ADK: variants seen among roughly 807,000 people sequenced by gnomAD.
ADK encodes adenosine kinase.
A neutral mutation model predicts 44.7 loss-of-function variants in ADK; 24 were observed. The observed-to-expected ratio is 0.54, with a 90% CI of 0.39 to 0.76. The LOEUF is 0.76. Among genes scored for constraint, ADK ranks in the 30% least tolerant of loss-of-function variants. The pLI, the probability that ADK is intolerant of heterozygous loss-of-function variation, is 0.00. For missense variants in ADK, 321 were observed against 425.1 expected (o/e 0.76, Z 2.15); for synonymous variants, 128 against 142.6 (o/e 0.90, Z 0.73).
chr10:74,637,958 G>A (rs1392064618), intron 9 of ADK, among the ~76,000 whole-genome samples: 1 of 152,148 alleles, frequency 6.6e-6, no homozygotes, highest in Non-Finnish European at 1.5e-5. Flanking sequence ...TTTATTGTAT[G>A]TCAATCATGC....
At chr10:74,648,055 A>T (rs1003110295) in intron 9 of ADK, among the ~76,000 whole-genome samples, 1 of 152,134 alleles carries the variant, frequency 6.6e-6, no homozygotes, top group Non-Finnish European at 1.5e-5. Context: ...TCTACTTGGT[A>T]AGTTAGCTTC....
chr10:74,196,160 C>T (rs1843142465), intron 1 of ADK, among the ~76,000 whole-genome samples: 1 of 152,078 alleles, frequency 6.6e-6, no homozygotes, highest in African/African-American at 2.4e-5. Context: ...CTTCTGCAAC[C>T]AGTTTCATGT....
chr10:74,599,260 A>G (rs1471257952), intron 8 of ADK, among the ~76,000 whole-genome samples: 1 of 152,210 alleles, frequency 6.6e-6, no homozygotes, highest in African/African-American at 2.4e-5. Flanking sequence ...AGCTTCATAT[A>G]TTATCTGGAA....
At chr10:74,594,200 G>GGGGA (rs1851817411) in intron 8 of ADK, among the ~76,000 whole-genome samples, 1 of 151,192 alleles carries the variant, frequency 6.6e-6, no homozygotes, top group Non-Finnish European at 1.5e-5. Context: ...GTGGGGGGTT[G>GGGGA]GGGAGGGATA....
chr10:74,398,319 T>G, intron 5 of ADK, 152 bp from the exon 6 acceptor site: 1 of 396,464 alleles, frequency 2.5e-6, no homozygotes, highest in Non-Finnish European at 4.4e-6. Flanking sequence ...ACAAAATTAT[T>G]ATTTATATTT....
intron 1 of ADK, among the ~76,000 whole-genome samples, chr10:74,155,803 A>G (rs932400071): frequency 1.3e-5 from 2 of 152,172 alleles, no homozygotes; most frequent in Non-Finnish European, 2.9e-5. Flanking sequence ...AAAGTGCTGG[A>G]TTACAGGGGT....
intron 1 of ADK, among the ~76,000 whole-genome samples, chr10:74,162,521 T>TTGTG (rs10550667): frequency 0.039 from 5,472 of 141,900 alleles, 221 homozygotes; most frequent in African/African-American, 0.099. Context: ...TGCATTTCTT[T>TTGTG]TGTGTGTGTG....
At chr10:74,595,406 G>GT (rs1851874574) in intron 8 of ADK, among the ~76,000 whole-genome samples, 1 of 106,270 alleles carries the variant, frequency 9.4e-6, no homozygotes. Context: ...GAGGGGGTTT[G>GT]GCTTTGTCAC....
chr10:74,208,904 T>G (rs1211566690), intron 2 of ADK, among the ~76,000 whole-genome samples: 1 of 151,946 alleles, frequency 6.6e-6, no homozygotes, highest in Admixed American at 6.6e-5. Flanking sequence ...GCCCGGCTAA[T>G]TTTTGCAGTT....
intron 7 of ADK, among the ~76,000 whole-genome samples, chr10:74,544,886 T>TTTTC (rs903639006): frequency 2.6e-5 from 4 of 151,372 alleles, no homozygotes; most frequent in African/African-American, 4.9e-5. Flanking sequence ...CCGAGGAGTT[T>TTTTC]TTTCTTTCTT....
At chr10:74,515,105 C>A (rs1361578725) in intron 6 of ADK, among the ~76,000 whole-genome samples, 4 of 152,148 alleles carry the variant, frequency 2.6e-5, no homozygotes, top group Non-Finnish European at 4.4e-5. Flanking sequence ...GGAAAAGTCA[C>A]CTCTTTTAAT....
chr10:74,531,742 G>A (rs1213763470), intron 7 of ADK, among the ~76,000 whole-genome samples: 2 of 152,018 alleles, frequency 1.3e-5, no homozygotes, highest in African/African-American at 4.8e-5. Context: ...TTGTTGCCCA[G>A]GCTGGTTTCA....
chr10:74,525,520 T>C (rs1401164632), intron 7 of ADK, 94 bp downstream of exon 7: 27 of 1,179,970 alleles, frequency 2.3e-5, no homozygotes, highest in Admixed American at 4.2e-5. Context: ...ATAAATTAAA[T>C]CCTAAATTTT....
intron 1 of ADK, among the ~76,000 whole-genome samples, chr10:74,173,752 C>T (rs1591806304): frequency 6.6e-6 from 1 of 152,040 alleles, no homozygotes; most frequent in African/African-American, 2.4e-5. Context: ...TTTAATGTTA[C>T]AAATCAAAGG....
intron 6 of ADK, among the ~76,000 whole-genome samples, chr10:74,440,880 C>T (rs991990082): frequency 6.6e-6 from 1 of 152,176 alleles, no homozygotes; most frequent in Non-Finnish European, 1.5e-5. Context: ...AGGCTGCCTA[C>T]TATACGTATC....
At chr10:74,321,769 G>A (rs1336069959) in intron 4 of ADK, among the ~76,000 whole-genome samples, 4 of 151,822 alleles carry the variant, frequency 2.6e-5, no homozygotes, top group African/African-American at 7.3e-5. Flanking sequence ...TATACATCTC[G>A]GGGCATGCTT....
At chr10:74,185,153 T>A in intron 1 of ADK, among the ~76,000 whole-genome samples, 1 of 152,250 alleles carries the variant, frequency 6.6e-6, no homozygotes, top group East Asian at 1.9e-4. Flanking sequence ...GTGTTAGTCA[T>A]GTCACACATG....
intron 9 of ADK, among the ~76,000 whole-genome samples, chr10:74,669,840 A>C (rs917503676): frequency 1.3e-5 from 2 of 152,106 alleles, no homozygotes; most frequent in East Asian, 1.9e-4. Flanking sequence ...CCATGATCCA[A>C]TCCATACCAA....
intron 1 of ADK, chr10:74,176,706 C>A: frequency 6.8e-7 from 1 of 1,469,102 alleles, no homozygotes; most frequent in Admixed American, 2.2e-5. Context: ...CCAATCAGCA[C>A]GCCGGGCCGG....
Sources: allele counts gnomAD v4.1 joint callset (sites outside exome capture counted in the v4.1 genomes callset), GRCh38; gene constraint gnomAD v4.1.1; transcripts MANE v1.5; gene names NCBI Gene and HGNC (gene_info 2026-07-23, HGNC 2026-07-21).